The following ADAMTSL1 variants were observed in gnomAD, a reference collection of about 807,000 sequenced individuals.
ADAMTSL1 encodes ADAMTS-like protein 1.
In ADAMTSL1, 126 loss-of-function variants were observed where a neutral mutation model predicts 201.8. The ratio of observed to expected loss-of-function variants is 0.62; its 90% confidence interval spans 0.54 to 0.72. The LOEUF is 0.72. Among genes scored for constraint, ADAMTSL1 ranks in the 30% least tolerant of loss-of-function variants. The pLI, the probability that ADAMTSL1 is intolerant of heterozygous loss-of-function variation, is 0.00. For synonymous variants in ADAMTSL1, 1,121 were observed against 903.4 expected (o/e 1.24, Z -4.32); for missense variants, 2,679 against 2,277.8 (o/e 1.18, Z -3.59).
At chr9:18,413,831 T>C (rs1167869316) in intron 2 of ADAMTSL1, among the ~76,000 whole-genome samples, 1 of 152,188 alleles carries the variant, frequency 6.6e-6, no homozygotes, top group African/African-American at 2.4e-5. Context: ...TTGAGACATG[T>C]TTATGGGATT....
chr9:18,027,086 G>T (rs955445560), intron 1 of ADAMTSL1, among the ~76,000 whole-genome samples: 7 of 150,514 alleles, frequency 4.7e-5, no homozygotes, highest in Non-Finnish European at 1.0e-4. Flanking sequence ...GTGCTATTTA[G>T]GTCTTCTCTT....
At chr9:17,931,260 C>T (rs1047392590) in intron 1 of ADAMTSL1, among the ~76,000 whole-genome samples, 1 of 152,132 alleles carries the variant, frequency 6.6e-6, no homozygotes, top group Non-Finnish European at 1.5e-5. Context: ...AATTCGAGCC[C>T]GGGTGCTGCT....
At chr9:18,866,232 A>T (rs1827534365) in intron 23 of ADAMTSL1, among the ~76,000 whole-genome samples, 1 of 152,038 alleles carries the variant, frequency 6.6e-6, no homozygotes, top group African/African-American at 2.4e-5. Flanking sequence ...ATGGATAATT[A>T]TTCACTGGGA....
chr9:18,441,805 A>C (rs960253503), intron 2 of ADAMTSL1, among the ~76,000 whole-genome samples: 2 of 152,182 alleles, frequency 1.3e-5, no homozygotes, highest in Admixed American at 6.5e-5. Context: ...AGTTTCTCCA[A>C]ATGGTTGAGA....
At chr9:18,889,876 C>A in intron 25 of ADAMTSL1, 128 bp downstream of exon 25, 1 of 964,760 alleles carries the variant, frequency 1.0e-6, no homozygotes, top group Non-Finnish European at 1.4e-6. Flanking sequence ...CTGTTCTTCC[C>A]TCTAGGCACA....
chr9:18,817,086 C>T, intron 20 of ADAMTSL1, 23 bp from the exon 21 acceptor site: 1 of 1,607,394 alleles, frequency 6.2e-7, no homozygotes, highest in South Asian at 1.1e-5. Context: ...CAAGTAACAT[C>T]TCATATTCTT....
chr9:17,974,351 C>T (rs1241343561), intron 1 of ADAMTSL1, among the ~76,000 whole-genome samples: 11 of 151,988 alleles, frequency 7.2e-5, no homozygotes, highest in African/African-American at 2.4e-4. Flanking sequence ...AAAACCCAAT[C>T]GTCTCAGCCC....
intron 4 of ADAMTSL1, among the ~76,000 whole-genome samples, chr9:18,580,314 A>G (rs1276887203): frequency 6.6e-6 from 1 of 152,138 alleles, no homozygotes; most frequent in East Asian, 1.9e-4. Context: ...ATTTTTAATA[A>G]TTCCTGTGGT....
chr9:18,350,757 C>T (rs1272939591), intron 2 of ADAMTSL1, among the ~76,000 whole-genome samples: 1 of 152,070 alleles, frequency 6.6e-6, no homozygotes, highest in South Asian at 2.1e-4. Flanking sequence ...AGACAGAGAC[C>T]TCATGTTATT....
At chr9:18,412,136 C>G (rs1002226762) in intron 2 of ADAMTSL1, among the ~76,000 whole-genome samples, 29 of 152,174 alleles carry the variant, frequency 1.9e-4, no homozygotes, top group African/African-American at 6.3e-4. Flanking sequence ...TTAACTTATC[C>G]TTCTAGTCCC....
chr9:18,091,810 G>A (rs1824032082), intron 1 of ADAMTSL1, among the ~76,000 whole-genome samples: 1 of 152,052 alleles, frequency 6.6e-6, no homozygotes, highest in Non-Finnish European at 1.5e-5. Context: ...TAGCAAGAGA[G>A]TCCTTGCGCC....
intron 2 of ADAMTSL1, among the ~76,000 whole-genome samples, chr9:18,425,380 G>T (rs1819162904): frequency 6.7e-6 from 1 of 148,290 alleles, no homozygotes; most frequent in Non-Finnish European, 1.5e-5. Context: ...AGCCAAATTT[G>T]CTACTCAATA....
intron 2 of ADAMTSL1, among the ~76,000 whole-genome samples, chr9:18,235,145 A>G (rs929717839): frequency 2.0e-5 from 3 of 152,082 alleles, no homozygotes; most frequent in African/African-American, 7.2e-5. Flanking sequence ...ACATTTACAC[A>G]TCATGTCTCC....
At chr9:18,227,141 T>A (rs1830458487) in intron 2 of ADAMTSL1, among the ~76,000 whole-genome samples, 1 of 152,114 alleles carries the variant, frequency 6.6e-6, no homozygotes, top group Non-Finnish European at 1.5e-5. Context: ...TACCCATACC[T>A]CAAAACACAA....
intron 2 of ADAMTSL1, among the ~76,000 whole-genome samples, chr9:18,222,005 G>C (rs566818956): frequency 1.3e-5 from 2 of 151,746 alleles, no homozygotes; most frequent in Non-Finnish European, 2.9e-5. Flanking sequence ...GTATCTTCCC[G>C]AGTCTTAAAA....
chr9:18,889,526 T>C lies in ADAMTSL1; in HGVS notation c.4463-42T>C, dbSNP rs571453761. ...AGAAGGAATTCAGAGTGTGGGCAAT[T>C]ATGCTATATTCTTTTCTACACTGCT... is the stretch of plus-strand genomic sequence containing the variant. On this transcript the variant is annotated intron_variant, in intron 24 of 28. Coordinates refer to ENST00000380548, the MANE Select transcript of ADAMTSL1 (RefSeq NM_001040272.6). The C allele has an allele frequency of 1.9e-6, 3 of 1,599,850 alleles. No individual in the cohort carries two copies. The African/African-American group carries it at 4.0e-5, about 21-fold the overall frequency.
intron 1 of ADAMTSL1, among the ~76,000 whole-genome samples, chr9:18,123,053 A>G (rs1007878785): frequency 1.3e-5 from 2 of 152,186 alleles, no homozygotes; most frequent in African/African-American, 4.8e-5. Context: ...GTTTAAAGAT[A>G]TATTTTACCA....
intron 7 of ADAMTSL1, among the ~76,000 whole-genome samples, chr9:18,655,551 C>A (rs1167176977): frequency 6.6e-6 from 1 of 151,964 alleles, no homozygotes; most frequent in African/African-American, 2.4e-5. Context: ...CTCACATTGG[C>A]TGTAAGAAGC....
intron 1 of ADAMTSL1, among the ~76,000 whole-genome samples, chr9:18,147,576 G>C (rs183094846): frequency 1.3e-5 from 2 of 152,246 alleles, no homozygotes; most frequent in Admixed American, 1.3e-4. Context: ...CCAAGAAGCA[G>C]ATGTGCTTGA....
Sources: gnomAD v4.1 joint callset for allele counts (sites outside exome capture counted in the v4.1 genomes callset) on GRCh38, gnomAD v4.1.1 for gene constraint, MANE v1.5 for transcripts, NCBI Gene and HGNC (gene_info 2026-07-23, HGNC 2026-07-21) for gene names.